The following C10orf90 variants were observed in gnomAD, a reference collection of about 807,000 sequenced individuals.
C10orf90 encodes the protein chromosome 10 open reading frame 90.
C10orf90 carries 56 observed loss-of-function variants against 62.5 expected under a neutral mutation model. That is an observed-to-expected ratio of 0.90 (90% CI 0.72 to 1.12). The LOEUF (loss-of-function observed/expected upper bound fraction) is 1.12. Ranked by LOEUF, C10orf90 falls within the 50% of genes most tolerant of loss-of-function variation. The probability of loss-of-function intolerance (pLI) is 0.00; values close to 1 mark genes in which losing one functional copy is unlikely to be tolerated. For missense variants in C10orf90, 970 were observed against 880.4 expected, an observed-to-expected ratio of 1.10 and a Z score of -1.29; for synonymous variants, 386 against 340.4, an observed-to-expected ratio of 1.13 and a Z score of -1.47.
rs1160610480 is a variant in C10orf90, at chr10:126,626,989, CT to C, written c.313+19575del. On this transcript the variant is annotated intron_variant, in intron 2 of 9. Transcript: ENST00000488181. Reference sequence around the variant, plus strand: ...AGCTGTGATTTAGATTTTTCTTTTTCTTTTTCTTTTCTTTTTTTTTTTTTTT... The same window carrying C: ...AGCTGTGATTTAGATTTTTCTTTTTCTTTTCTTTTCTTTTTTTTTTTTTTT... 1.5e-3 allele frequency among the ~76,000 whole-genome samples: 198 copies of C among 131,742 alleles called. No homozygotes were observed. In the South Asian group the frequency reaches 0.019, roughly 13 times the overall value. The allele number at this position is 131,742 out of a possible 152,430, so 86.4% of individuals were successfully genotyped here. A position where few individuals can be genotyped will look rare whatever the true frequency, so the allele number is the denominator to read the frequency against.
intron 2 of C10orf90, among the ~76,000 whole-genome samples, chr10:126,628,518 C>T (rs1263787367): frequency 6.6e-6 from 1 of 152,158 alleles, no homozygotes; most frequent in African/African-American, 2.4e-5. Flanking sequence ...CACCATCAGC[C>T]CTCTGCTTGA....
intron 2 of C10orf90, among the ~76,000 whole-genome samples, chr10:126,591,330 T>C (rs1225871597): frequency 6.6e-6 from 1 of 152,096 alleles, no homozygotes; most frequent in Non-Finnish European, 1.5e-5. Context: ...CAGCAGCACG[T>C]CAAAAAGCTT....
In C10orf90 at chr10:126,425,787, A is replaced by G. The variant is rs1857224792; in HGVS notation, c.*77T>C. 1 of 1,426,734 alleles carries G rather than the reference A, an allele frequency of 7.0e-7. No individual in the cohort carries two copies. The allele number at this position is 1,426,734 out of a possible 1,614,324, so 88.4% of individuals were successfully genotyped here. On this transcript the variant is annotated 3_prime_UTR_variant, in exon 10 of 10. Coordinates refer to ENST00000488181, the MANE Select transcript of C10orf90 (RefSeq NM_001350921.2). ...TAAGTGTTTTCCCATGATGAAGATA[A>G]TGCTAAGTTTAATGGCTTATCCAGC... is the stretch of plus-strand genomic sequence containing the variant.
At chr10:126,519,405 T>C (rs1167186334) in intron 2 of C10orf90, among the ~76,000 whole-genome samples, 2 of 152,180 alleles carry the variant, frequency 1.3e-5, no homozygotes, top group African/African-American at 2.4e-5. Flanking sequence ...TATTGCCTCA[T>C]GAATCGATCC....
intron 7 of C10orf90, among the ~76,000 whole-genome samples, chr10:126,444,273 C>T (rs937321059): frequency 1.3e-5 from 2 of 151,994 alleles, no homozygotes; most frequent in Non-Finnish European, 2.9e-5. Context: ...CTCAAAAACC[C>T]TAAAGATCCC....
chr10:126,562,699 T>C (rs1259848926), intron 2 of C10orf90, among the ~76,000 whole-genome samples: 1 of 152,158 alleles, frequency 6.6e-6, no homozygotes, highest in African/African-American at 2.4e-5. Context: ...TTACAGACAA[T>C]TCTCCTATAG....
intron 1 of C10orf90, among the ~76,000 whole-genome samples, chr10:126,664,365 G>A (rs1051619607): frequency 5.9e-5 from 9 of 152,072 alleles, no homozygotes; most frequent in African/African-American, 4.8e-5. Flanking sequence ...TCACTTTCAC[G>A]GGGTACAGCC....
chr10:126,567,619 G>A (rs1331475717), intron 2 of C10orf90, among the ~76,000 whole-genome samples: 3 of 152,156 alleles, frequency 2.0e-5, no homozygotes, highest in Non-Finnish European at 4.4e-5. Flanking sequence ...GCCCTGGAAG[G>A]TGACCTGGAG....
intron 4 of C10orf90, among the ~76,000 whole-genome samples, chr10:126,497,763 T>C (rs574735457): frequency 6.6e-6 from 1 of 152,206 alleles, no homozygotes; most frequent in South Asian, 2.1e-4. Flanking sequence ...TACTCAACTT[T>C]GCTGTTGCAG....
chr10:126,430,396 C>A (rs922373417), intron 7 of C10orf90, among the ~76,000 whole-genome samples: 7 of 152,124 alleles, frequency 4.6e-5, no homozygotes, highest in African/African-American at 1.7e-4. Flanking sequence ...TGCTCAGTAT[C>A]CTTTGATTAA....
chr10:126,516,831 A>T (rs1043349913), intron 2 of C10orf90, among the ~76,000 whole-genome samples: 8 of 151,986 alleles, frequency 5.3e-5, no homozygotes, highest in African/African-American at 1.9e-4. Flanking sequence ...TTCTGAAAAC[A>T]CTAGGGAAGA....
At chr10:126,606,183 C>A (rs778764624) in intron 2 of C10orf90, among the ~76,000 whole-genome samples, 1 of 152,158 alleles carries the variant, frequency 6.6e-6, no homozygotes, top group Admixed American at 6.5e-5. Flanking sequence ...CAAGACAATA[C>A]CCTCAGGAAT....
Position 126,633,788 on chromosome 10 carries a change from A to G in C10orf90, c.313+12777T>C, listed in dbSNP as rs529562334. Among the ~76,000 whole-genome samples, 5 of 152,354 alleles carry G rather than the reference A, an allele frequency of 3.3e-5. No homozygotes were observed. In the East Asian group the frequency reaches 9.7e-4, roughly 29 times the overall value. ...CAGGAAACATAATGCTTCAGAAAAG[A>G]AAATAATTACATGGACACACCTGTA... On this transcript the variant is annotated intron_variant, in intron 2 of 9. Coordinates refer to ENST00000488181, the MANE Select transcript of C10orf90 (RefSeq NM_001350921.2).
rs551973906 is a variant in C10orf90 at position 126,477,076 on chromosome 10, A to ATTTTTTTTTTTT, written c.1535-12102_1535-12091dup. Reference sequence around the variant, plus strand: ...AGGTGCCCAACATCACGCCTGGCTAATTTTTTTTTTTTTTTTTTTTTTTTT... The same window carrying ATTTTTTTTTTTT: ...AGGTGCCCAACATCACGCCTGGCTAATTTTTTTTTTTTTTTTTTTTTTTTTTTTTTTTTTTTT... On this transcript the variant is annotated intron_variant, in intron 4 of 9. Coordinates refer to ENST00000488181, the MANE Select transcript of C10orf90 (RefSeq NM_001350921.2). Among the ~76,000 whole-genome samples, 34 of 56,484 alleles carry ATTTTTTTTTTTT rather than the reference A, an allele frequency of 6.0e-4. 9 individuals carry two copies. Among genetic ancestry groups the ATTTTTTTTTTTT allele is most frequent in the South Asian group, 9.1e-4 (1 of 1,104 alleles). 37.1% of individuals were successfully genotyped at this position (56,484 alleles called of 152,430 possible).
At chr10:126,506,187 C>T (rs2133893102) in intron 3 of C10orf90, among the ~76,000 whole-genome samples, 1 of 152,272 alleles carries the variant, frequency 6.6e-6, no homozygotes, top group Admixed American at 6.5e-5. Context: ...GATTGTTTGT[C>T]CTAACAGTAA....
intron 1 of C10orf90, among the ~76,000 whole-genome samples, chr10:126,659,733 A>G (rs541181973): frequency 6.6e-6 from 1 of 152,322 alleles, no homozygotes; most frequent in South Asian, 2.1e-4. Flanking sequence ...TAGAGCTGTT[A>G]CCTGTTTGTC....
At position 126,565,116 on chromosome 10, in the gene C10orf90, T is replaced by TAAATATGTA. The variant is rs1844317134; in HGVS notation, c.314-51178_314-51177insTACATATTT. Among the ~76,000 whole-genome samples the TAAATATGTA allele has an allele frequency of 7.4e-4, 28 of 37,610 alleles. 1 individual carries two copies. The highest frequency in any genetic ancestry group is 1.0e-3 in the African/African-American group (8 of 8,010). The allele number at this position is 37,610 out of a possible 152,430, so 24.7% of individuals were successfully genotyped here. A position where few individuals can be genotyped will look rare whatever the true frequency, so the allele number is the denominator to read the frequency against. On this transcript the variant is annotated intron_variant, in intron 2 of 9. Coordinates refer to ENST00000488181, the MANE Select transcript of C10orf90 (RefSeq NM_001350921.2). Reference sequence around the variant, plus strand: ...ATTATATAATATATAAAATATATATTATATAATATATAATATAAATATAAT... The same window carrying TAAATATGTA: ...ATTATATAATATATAAAATATATATTAAATATGTAATATAATATATAATATAAATATAAT...
chr10:126,497,485 A>G, intron 4 of C10orf90, among the ~76,000 whole-genome samples: 1 of 152,352 alleles, frequency 6.6e-6, no homozygotes, highest in East Asian at 1.9e-4. Flanking sequence ...CGACCAGAGA[A>G]GCTGGCTTGT....
At chr10:126,459,879 C>T (rs1859852540) in intron 6 of C10orf90, among the ~76,000 whole-genome samples, 2 of 152,204 alleles carry the variant, frequency 1.3e-5, no homozygotes, top group South Asian at 2.1e-4. Flanking sequence ...AGACTAACTG[C>T]CATTCTGCTC....
Sources: gnomAD v4.1 joint callset for allele counts (sites outside exome capture counted in the v4.1 genomes callset) on GRCh38, gnomAD v4.1.1 for gene constraint, MANE v1.5 for transcripts, NCBI Gene and HGNC (gene_info 2026-07-23, HGNC 2026-07-21) for gene names.